GABRB1: variants seen among roughly 807,000 people sequenced by gnomAD.
GABRB1 encodes the protein gamma-aminobutyric acid receptor subunit beta-1.
GABRB1 carries 17 observed loss-of-function variants against 51.6 expected under a neutral mutation model. The ratio of observed to expected loss-of-function variants is 0.33; its 90% confidence interval spans 0.23 to 0.49. GABRB1 has a LOEUF of 0.49. Among genes scored for constraint, GABRB1 ranks in the 20% least tolerant of loss-of-function variants. GABRB1 has a pLI of 0.99. For synonymous variants in GABRB1, 247 were observed against 218.9 expected (o/e 1.13, Z -1.14); for missense variants, 410 against 600.6 (o/e 0.68, Z 3.32).
upstream of GABRB1, among the ~76,000 whole-genome samples, chr4:47,027,613 CCATTCCTATTAACACAGGTTA>C (rs1725142551): frequency 6.6e-6 from 1 of 150,896 alleles, no homozygotes; most frequent in South Asian, 2.1e-4. Flanking sequence ...TGAAGTGGTG[CCATTCCTATTAACACAGGTTA>C]AAATGACTTC....
At chr4:47,406,563 C>T (rs1728575407) in intron 7 of GABRB1, 119 bp from the exon 8 acceptor site, 1 of 1,234,698 alleles carries the variant, frequency 8.1e-7, no homozygotes. Context: ...GTTTATCATG[C>T]TACTGTGATC....
chr4:47,043,118 C>T (rs1349325626), intron 3 of GABRB1: 1 of 151,974 alleles, frequency 6.6e-6, no homozygotes, highest in East Asian at 1.9e-4. Context: ...ATAAAAATCC[C>T]AAGCCAACTA....
chr4:47,242,009 T>C (rs1251637596), intron 4 of GABRB1, among the ~76,000 whole-genome samples: 1 of 152,140 alleles, frequency 6.6e-6, no homozygotes, highest in East Asian at 1.9e-4. Context: ...TTACATTAGG[T>C]ATATCTCCTG....
chr4:47,298,087 A>G (rs1724085343), intron 4 of GABRB1, among the ~76,000 whole-genome samples: 3 of 152,322 alleles, frequency 2.0e-5, no homozygotes, highest in African/African-American at 4.8e-5. Context: ...GATGGGACGT[A>G]TCTCAAAATA....
At chr4:47,269,266 C>T (rs1722761568) in intron 4 of GABRB1, among the ~76,000 whole-genome samples, 1 of 152,188 alleles carries the variant, frequency 6.6e-6, no homozygotes, top group Admixed American at 6.5e-5. Flanking sequence ...ACCCTCTAAT[C>T]ACAAACCCTT....
intron 4 of GABRB1, among the ~76,000 whole-genome samples, chr4:47,282,131 C>T (rs114353005): frequency 0.021 from 3,123 of 152,166 alleles, 127 homozygotes; most frequent in African/African-American, 0.072. Flanking sequence ...TAAATCAAAA[C>T]ATCGCCTTGT....
chr4:47,150,666 A>G (rs1717404356), intron 3 of GABRB1, among the ~76,000 whole-genome samples: 1 of 146,842 alleles, frequency 6.8e-6, no homozygotes, highest in Middle Eastern at 3.6e-3. Context: ...CACACACATA[A>G]TGTTATAAGC....
chr4:47,193,125 TTTG>T (rs140155461), intron 4 of GABRB1, among the ~76,000 whole-genome samples: 20,205 of 151,854 alleles, frequency 0.13, 1,662 homozygotes, highest in East Asian at 0.31. Context: ...ATATGTGTTT[TTTG>T]TTGTTGTTGT....
chr4:47,329,819 C>T (rs1725403364), intron 5 of GABRB1, among the ~76,000 whole-genome samples: 1 of 150,916 alleles, frequency 6.6e-6, no homozygotes, highest in Non-Finnish European at 1.5e-5. Context: ...AGGTAAAGTA[C>T]AGATAAGATA....
At chr4:47,344,474 T>G (rs1463270986) in intron 5 of GABRB1, among the ~76,000 whole-genome samples, 3 of 152,236 alleles carry the variant, frequency 2.0e-5, no homozygotes, top group Non-Finnish European at 4.4e-5. Context: ...CAAAGGTTAT[T>G]GTTTTTAGTT....
At chr4:47,034,552 G>C (rs987666942) in intron 3 of GABRB1, among the ~76,000 whole-genome samples, 2 of 152,044 alleles carry the variant, frequency 1.3e-5, no homozygotes, top group Admixed American at 6.5e-5. Flanking sequence ...CCACAACAAT[G>C]TTACAGACAT....
At chr4:47,004,854 AT>A (rs1354069317) in intron 1 of GABRB1, among the ~76,000 whole-genome samples, 1 of 152,206 alleles carries the variant, frequency 6.6e-6, no homozygotes, top group Non-Finnish European at 1.5e-5. Flanking sequence ...GAAAAACAAT[AT>A]GTTTGCTATT....
intron 5 of GABRB1, among the ~76,000 whole-genome samples, chr4:47,343,282 G>A (rs1171590516): frequency 6.6e-6 from 1 of 152,058 alleles, no homozygotes; most frequent in Non-Finnish European, 1.5e-5. Flanking sequence ...TTTTAAACGA[G>A]GATAAAATCA....
intron 4 of GABRB1, among the ~76,000 whole-genome samples, chr4:47,195,437 TAGATAGATGATAGATAGATTAGATGATA>T (rs1381811407): frequency 0.016 from 1,954 of 120,468 alleles, 24 homozygotes; most frequent in East Asian, 0.028. Context: ...GATAGATAGA[TAGATAGATGATAGATAGATTAGATGATA>T]GATAGATAGA....
rs906999748 is a variant in GABRB1 at position 47,299,441 on chromosome 4, A to C, written c.462-20686A>C. 1.8e-3 allele frequency among the ~76,000 whole-genome samples: 276 copies of C among 152,302 alleles called. 1 individual carries two copies. Among genetic ancestry groups the C allele is most frequent in the Non-Finnish European group, 2.7e-3 (186 of 68,030 alleles). On this transcript the variant is annotated intron_variant, in intron 4 of 8. Transcript: ENST00000295454. The stretch of plus-strand genomic sequence containing the variant: ...AAAAGTGGGCGAAGGACATGAACAG[A>C]CACTTCTCAAAAGAAGACATTTATG...
intron 5 of GABRB1, among the ~76,000 whole-genome samples, chr4:47,370,517 A>G (rs920015653): frequency 5.3e-5 from 8 of 152,034 alleles, no homozygotes; most frequent in Non-Finnish European, 1.2e-4. Flanking sequence ...GAAAAAGAAA[A>G]GTCGTGGGAG....
intron 4 of GABRB1, among the ~76,000 whole-genome samples, chr4:47,293,613 A>G (rs1015546041): frequency 3.3e-5 from 5 of 152,250 alleles, no homozygotes; most frequent in Non-Finnish European, 5.9e-5. Flanking sequence ...GAAAGATTTG[A>G]ACATTTAATT....
At chr4:47,388,938 T>C (rs2110036855) in intron 5 of GABRB1, among the ~76,000 whole-genome samples, 1 of 152,302 alleles carries the variant, frequency 6.6e-6, no homozygotes, top group South Asian at 2.1e-4. Flanking sequence ...TGGTGGATAC[T>C]CTCCAAGAAG....
At chr4:47,051,722 G>T (rs1244406687) in intron 3 of GABRB1, among the ~76,000 whole-genome samples, 1 of 152,160 alleles carries the variant, frequency 6.6e-6, no homozygotes, top group Non-Finnish European at 1.5e-5. Flanking sequence ...AACATATTTG[G>T]ATATTCACAA....
Sources: allele counts gnomAD v4.1 joint callset (sites outside exome capture counted in the v4.1 genomes callset), GRCh38; gene constraint gnomAD v4.1.1; transcripts MANE v1.5; gene names NCBI Gene and HGNC (gene_info 2026-07-23, HGNC 2026-07-21).